Variants in N4BP2L2 observed in about 807,000 individuals in gnomAD.
The protein encoded by N4BP2L2 is NEDD4 binding protein 2 like 2.
N4BP2L2 carries 50 observed loss-of-function variants against 56.2 expected under a neutral mutation model. The ratio of observed to expected loss-of-function variants is 0.89; its 90% CI spans 0.71 to 1.13. N4BP2L2 has a LOEUF of 1.13. Among genes scored for constraint, N4BP2L2 ranks in the 50% most tolerant of loss-of-function variants. The probability of loss-of-function intolerance (pLI) is 0.00; values close to 1 mark genes in which losing one functional copy is unlikely to be tolerated. For synonymous variants in N4BP2L2, 203 were observed against 223.6 expected, an observed-to-expected ratio of 0.91 and a Z score of 0.82; for missense variants, 689 against 693.8, an observed-to-expected ratio of 0.99 and a Z score of 0.08.
intron 4 of N4BP2L2, 41 bp from the exon 5 acceptor site, chr13:32,521,490 A>G: frequency 7.2e-7 from 1 of 1,389,502 alleles, no homozygotes; most frequent in Non-Finnish European, 1.0e-6. Flanking sequence ...CCAGAGAAGT[A>G]CTTCTTAAAG....
At chr13:32,450,168 A>G (rs2077691054) in intron 6 of N4BP2L2, among the ~76,000 whole-genome samples, 2 of 152,248 alleles carry the variant, frequency 1.3e-5, no homozygotes, top group African/African-American at 4.8e-5. Context: ...ACAGATTTCA[A>G]AGAATTACTA....
chr13:32,475,601 G>C lies in N4BP2L2; in HGVS notation c.366-31475C>G, dbSNP rs115701862. 3.7e-3 allele frequency among the ~76,000 whole-genome samples: 562 copies of C among 152,226 alleles called. 2 individuals carry two copies. Among genetic ancestry groups the C allele is most frequent in the African/African-American group, 0.013 (524 of 41,526 alleles). On this transcript the variant is annotated intron_variant, in intron 6 of 9. Coordinates refer to the N4BP2L2 transcript ENST00000357505. ...GGACATTCCAGTTGATCAGTGCCACGTTGTCTGCTTCTTTCTGTACACGTG... is the reference window on the plus strand; with the variant it reads ...GGACATTCCAGTTGATCAGTGCCACCTTGTCTGCTTCTTTCTGTACACGTG...
intron 6 of N4BP2L2, among the ~76,000 whole-genome samples, chr13:32,464,223 A>G (rs1261192509): frequency 6.6e-6 from 1 of 152,222 alleles, no homozygotes; most frequent in Non-Finnish European, 1.5e-5. Context: ...GATATATGAG[A>G]AAAGTTGTTG....
At chr13:32,509,956 T>C (rs2091514558), downstream of N4BP2L2, among the ~76,000 whole-genome samples, 1 of 152,078 alleles carries the variant, frequency 6.6e-6, no homozygotes, top group African/African-American at 2.4e-5. Flanking sequence ...ATAAAGCAAA[T>C]ACCCAACAGT....
intron 6 of N4BP2L2, among the ~76,000 whole-genome samples, chr13:32,479,352 C>T (rs1430861855): frequency 4.0e-5 from 6 of 151,770 alleles, no homozygotes; most frequent in Admixed American, 6.6e-5. Flanking sequence ...CTGCAAAGCT[C>T]CACCTCCTGG....
intron 1 of N4BP2L2, among the ~76,000 whole-genome samples, chr13:32,538,284 G>C (rs879273902): frequency 1.3e-5 from 2 of 149,964 alleles, no homozygotes; most frequent in Non-Finnish European, 2.9e-5. Context: ...GCCTCCTCTC[G>C]GTTTCTCCTT....
rs142162740 is a variant in N4BP2L2 at position 32,517,828 on chromosome 13, G to A, written c.1726C>T (p.Arg576Cys). 7 of 1,613,486 alleles carry A rather than the reference G, an allele frequency of 4.3e-6. No homozygotes were observed. In the African/African-American group the frequency reaches 6.7e-5, roughly 15 times the overall value. ...TAATGATTATTTGTGACACAGACAC[G>A]ATTATGTGAGCCAAGAGAGCCTCCC... The change falls in exon 6 of 6, where the codon CGT (arginine) becomes TGT (cysteine). Residue 576 changes from arginine (R) to cysteine (C), a missense_variant. By Grantham distance (180) the Arg-to-Cys change is radical. Transcript: ENST00000267068.
intron 6 of N4BP2L2, among the ~76,000 whole-genome samples, chr13:32,469,171 C>A (rs940112166): frequency 6.6e-5 from 10 of 152,192 alleles, no homozygotes; most frequent in South Asian, 2.1e-4. Flanking sequence ...TGACCCTGAA[C>A]CTGACATTTG....
rs139073466 is a variant in N4BP2L2, at chr13:32,486,925, G to C, written c.365+30932C>G. The stretch of plus-strand genomic sequence containing the variant: ...GAGGCAGGAGAATCATTTGAACTCG[G>C]AAGACGGAGGTTGCAGTGAGCCGAG... On this transcript the variant is annotated intron_variant, in intron 6 of 9. Transcript: ENST00000357505. Among the ~76,000 whole-genome samples, 25 of 152,184 alleles carry C rather than the reference G, an allele frequency of 1.6e-4. No homozygotes were observed. The East Asian group carries it at 4.8e-3, about 29-fold the overall frequency.
At chr13:32,537,444 T>A (rs1392722081) in intron 1 of N4BP2L2, among the ~76,000 whole-genome samples, 1 of 152,142 alleles carries the variant, frequency 6.6e-6, no homozygotes, top group African/African-American at 2.4e-5. Context: ...ATACTCAAAA[T>A]GGCTGTGATA....
At chr13:32,461,519 A>G (rs1304754285) in intron 6 of N4BP2L2, among the ~76,000 whole-genome samples, 1 of 152,242 alleles carries the variant, frequency 6.6e-6, no homozygotes, top group Non-Finnish European at 1.5e-5. Context: ...CAACAGGTCT[A>G]TGAAAAAATG....
At chr13:32,528,484 C>T (rs991787158) in intron 2 of N4BP2L2, among the ~76,000 whole-genome samples, 12 of 152,148 alleles carry the variant, frequency 7.9e-5, no homozygotes, top group African/African-American at 2.9e-4. Context: ...GTTTTGAAAA[C>T]GATACTGCCT....
At chr13:32,434,298 G>A (rs181834805) in intron 9 of N4BP2L2, among the ~76,000 whole-genome samples, 112 of 134,372 alleles carry the variant, frequency 8.3e-4, no homozygotes, top group Non-Finnish European at 1.5e-3. Flanking sequence ...GGGTTTCACC[G>A]TGTTGCCCAG....
exon 6 of N4BP2L2, chr13:32,516,931 A>C: frequency 1.0e-6 from 1 of 982,814 alleles, no homozygotes; most frequent in Non-Finnish European, 1.2e-6. Flanking sequence ...ATGAAGAAAC[A>C]CATCTAAAAA....
chr13:32,507,321 G>C (rs1401485097), downstream of N4BP2L2: 1 of 152,130 alleles, frequency 6.6e-6, no homozygotes, highest in Admixed American at 6.5e-5. Context: ...CTGGAGTTCA[G>C]AGGAGAAGGT....
At chr13:32,477,236 C>CCTG in intron 6 of N4BP2L2, 1 of 356,024 alleles carries the variant, frequency 2.8e-6, no homozygotes, top group South Asian at 3.4e-5. Flanking sequence ...CTATGCAAGG[C>CCTG]TTACAAGGGC....
chr13:32,502,249 G>T (rs1358045400), intron 6 of N4BP2L2, among the ~76,000 whole-genome samples: 1 of 151,668 alleles, frequency 6.6e-6, no homozygotes, highest in Non-Finnish European at 1.5e-5. Context: ...TTTTTTATTT[G>T]TATTTTTGGT....
chr13:32,536,407 A>G (rs1353610652), exon 2 of N4BP2L2: 1 of 1,613,948 alleles, frequency 6.2e-7, no homozygotes, highest in African/African-American at 1.3e-5. Flanking sequence ...TATGACCCTC[A>G]TAAAATGGAA....
intron 6 of N4BP2L2, among the ~76,000 whole-genome samples, chr13:32,471,414 T>C (rs985143296): frequency 1.3e-4 from 20 of 152,236 alleles, no homozygotes; most frequent in African/African-American, 4.8e-4. Context: ...TTATATAACC[T>C]GTTTGTGTAA....
Sources: gnomAD v4.1 joint callset for allele counts (sites outside exome capture counted in the v4.1 genomes callset) on GRCh38, gnomAD v4.1.1 for gene constraint, MANE v1.5 for transcripts, NCBI Gene and HGNC (gene_info 2026-07-23, HGNC 2026-07-21) for gene names.